Variants in RSU1 observed in about 807,000 individuals in gnomAD.
The protein encoded by RSU1 is Ras suppressor protein 1.
RSU1 carries 26 observed loss-of-function variants against 31.1 expected under a neutral mutation model. The ratio of observed to expected loss-of-function variants is 0.84; its 90% CI spans 0.61 to 1.16. The LOEUF (loss-of-function observed/expected upper bound fraction) is 1.16, where lower values mean the gene tolerates loss of function less well. Among genes scored for constraint, RSU1 ranks in the 50% most tolerant of loss-of-function variants. The pLI is 0.00. For synonymous variants in RSU1, 164 were observed against 136.3 expected (o/e 1.20, Z -1.41); for missense variants, 320 against 339.1 (o/e 0.94, Z 0.44).
At chr10:16,603,213 C>T (rs929557725) in intron 8 of RSU1, among the ~76,000 whole-genome samples, 11 of 151,944 alleles carry the variant, frequency 7.2e-5, no homozygotes, top group Non-Finnish European at 1.5e-4. Flanking sequence ...ACAGCCACAA[C>T]GAAATGTGTA....
intron 8 of RSU1, among the ~76,000 whole-genome samples, chr10:16,594,875 C>T (rs973034325): frequency 1.1e-4 from 17 of 148,958 alleles, no homozygotes; most frequent in Non-Finnish European, 2.1e-4. Context: ...ACCTCTGCCT[C>T]CCAGGTTCAA....
At chr10:16,680,707 CA>C (rs778791333) in intron 8 of RSU1, among the ~76,000 whole-genome samples, 18 of 152,316 alleles carry the variant, frequency 1.2e-4, no homozygotes, top group Non-Finnish European at 2.6e-4. Context: ...AAGAGGACGG[CA>C]AAAGCCATTC....
chr10:16,717,984 A>G (rs556435562), intron 7 of RSU1, among the ~76,000 whole-genome samples: 15 of 152,308 alleles, frequency 9.8e-5, no homozygotes, highest in African/African-American at 3.4e-4. Context: ...ATACTGTCAC[A>G]GTAACAAATA....
chr10:16,594,579 TA>T lies in RSU1; in HGVS notation c.732-1084del, dbSNP rs1012177669. 4.6e-4 allele frequency among the ~76,000 whole-genome samples: 68 copies of T among 147,262 alleles called. 1 individual carries two copies. In the East Asian group the frequency reaches 0.012, roughly 26 times the overall value. On this transcript the variant is annotated intron_variant, in intron 8 of 8. Coordinates refer to ENST00000345264, the MANE Select transcript of RSU1 (RefSeq NM_012425.4). ...ATATATGCCACCATGCCTAGCTAAT[TA>T]AAAAAAATATATATATCATATATAA... is the stretch of plus-strand genomic sequence containing the variant.
chr10:16,675,402 G>A (rs142368629), intron 8 of RSU1, among the ~76,000 whole-genome samples: 5 of 152,186 alleles, frequency 3.3e-5, no homozygotes, highest in Middle Eastern at 3.4e-3. Flanking sequence ...CTACTGAGTG[G>A]CCCACACTTC....
intron 4 of RSU1, among the ~76,000 whole-genome samples, chr10:16,762,776 G>A (rs1837234986): frequency 6.6e-6 from 1 of 152,138 alleles, no homozygotes; most frequent in African/African-American, 2.4e-5. Context: ...AGCACTTTGG[G>A]AGGCGGAGGC....
chr10:16,767,071 C>A (rs964190182), intron 3 of RSU1, among the ~76,000 whole-genome samples: 2 of 151,640 alleles, frequency 1.3e-5, no homozygotes, highest in African/African-American at 4.8e-5. Context: ...CCTTCTGGGT[C>A]ACTGGATGTC....
intron 2 of RSU1, among the ~76,000 whole-genome samples, chr10:16,788,943 C>T (rs1307311748): frequency 6.6e-6 from 1 of 152,162 alleles, no homozygotes; most frequent in African/African-American, 2.4e-5. Flanking sequence ...TGTCTCACAC[C>T]TGCAGACCAT....
chr10:16,767,017 A>G (rs1292483372), intron 3 of RSU1, among the ~76,000 whole-genome samples: 4 of 141,084 alleles, frequency 2.8e-5, no homozygotes, highest in African/African-American at 3.0e-5. Flanking sequence ...GTGAAACTCT[A>G]TGTCCAAAAA....
chr10:16,730,927 G>A (rs973512937), intron 7 of RSU1, among the ~76,000 whole-genome samples: 7 of 152,086 alleles, frequency 4.6e-5, no homozygotes, highest in South Asian at 4.2e-4. Context: ...GGGTTCAAGC[G>A]ATTCTTGTGC....
chr10:16,700,473 G>A (rs1478049204), intron 7 of RSU1, among the ~76,000 whole-genome samples: 1 of 151,992 alleles, frequency 6.6e-6, no homozygotes, highest in Non-Finnish European at 1.5e-5. Context: ...TCTTCTCTGC[G>A]GCGAATCCTC....
intron 8 of RSU1, among the ~76,000 whole-genome samples, chr10:16,667,769 T>C (rs966027529): frequency 3.3e-5 from 5 of 152,172 alleles, no homozygotes; most frequent in South Asian, 2.1e-4. Flanking sequence ...ATTACAGGCA[T>C]GAGGCACTGT....
chr10:16,610,746 T>C (rs1833879020), intron 8 of RSU1, among the ~76,000 whole-genome samples: 1 of 152,162 alleles, frequency 6.6e-6, no homozygotes, highest in Admixed American at 6.5e-5. Context: ...TAATGTAAAG[T>C]GCTTGACACA....
intron 8 of RSU1, among the ~76,000 whole-genome samples, chr10:16,604,965 C>G (rs1446059204): frequency 6.6e-6 from 1 of 152,152 alleles, no homozygotes; most frequent in African/African-American, 2.4e-5. Context: ...GTACCTTGTC[C>G]TAGCACTGTG....
chr10:16,667,303 T>A (rs907628839), intron 8 of RSU1, among the ~76,000 whole-genome samples: 3 of 152,178 alleles, frequency 2.0e-5, no homozygotes, highest in Non-Finnish European at 4.4e-5. Flanking sequence ...TGGATTCAGA[T>A]TCTGTCTTGT....
chr10:16,811,605 A>G (rs1838410726), intron 2 of RSU1, among the ~76,000 whole-genome samples: 1 of 152,188 alleles, frequency 6.6e-6, no homozygotes, highest in South Asian at 2.1e-4. Context: ...GTCAAATGCC[A>G]TTACCGATTC....
intron 7 of RSU1, among the ~76,000 whole-genome samples, chr10:16,700,998 A>G (rs972222297): frequency 6.6e-6 from 1 of 152,194 alleles, no homozygotes; most frequent in African/African-American, 2.4e-5. Flanking sequence ...TAAAAGAAGA[A>G]AAGGATAATA....
chr10:16,618,821 C>T (rs1372611037), intron 8 of RSU1, among the ~76,000 whole-genome samples: 1 of 151,944 alleles, frequency 6.6e-6, no homozygotes, highest in African/African-American at 2.4e-5. Flanking sequence ...ACACTGGGGC[C>T]CGTGGTGGGG....
intron 7 of RSU1, among the ~76,000 whole-genome samples, chr10:16,728,990 G>C (rs566223487): frequency 2.0e-5 from 3 of 152,160 alleles, no homozygotes; most frequent in Non-Finnish European, 4.4e-5. Context: ...AGAATAAATC[G>C]GTGCTGTTTT....
Sources: gnomAD v4.1 joint callset for allele counts (sites outside exome capture counted in the v4.1 genomes callset) on GRCh38, gnomAD v4.1.1 for gene constraint, MANE v1.5 for transcripts, NCBI Gene and HGNC (gene_info 2026-07-23, HGNC 2026-07-21) for gene names.